The following VWA8 variants were observed in gnomAD, a reference collection of about 807,000 sequenced individuals.
The protein encoded by VWA8 is von Willebrand factor A domain-containing protein 8.
In VWA8, 221 loss-of-function variants were observed where a neutral mutation model predicts 241.5. That is an observed-to-expected ratio of 0.91 (90% CI 0.82 to 1.02). The LOEUF (loss-of-function observed/expected upper bound fraction) is 1.02. Among genes scored for constraint, VWA8 ranks in the 50% least tolerant of loss-of-function variants. The pLI is 0.00. For synonymous variants in VWA8, 852 were observed against 827.1 expected, an observed-to-expected ratio of 1.03 and a Z score of -0.52; for missense variants, 2,322 against 2,328.7, an observed-to-expected ratio of 1.00 and a Z score of 0.06.
Position 41,731,750 on chromosome 13 carries a change from A to G in VWA8, c.2502+330T>C, listed in dbSNP as rs576765608. Among the ~76,000 whole-genome samples, 6 of 152,226 alleles carry G rather than the reference A, an allele frequency of 3.9e-5. No homozygotes were observed. The East Asian group carries it at 1.2e-3, about 29-fold the overall frequency. ...CTGAATCATGGGGGCAGTTTCCCCC[A>G]TACTGTTCTTGTGGTAATGAATAAG... On this transcript the variant is annotated intron_variant, in intron 22 of 44. Transcript: ENST00000379310.
intron 37 of VWA8, among the ~76,000 whole-genome samples, chr13:41,664,672 C>T (rs1209051372): frequency 6.6e-6 from 1 of 152,022 alleles, no homozygotes; most frequent in Non-Finnish European, 1.5e-5. Flanking sequence ...TTCGACTAAT[C>T]TTCCAAATTT....
chr13:41,576,187 T>C (rs1182574764), intron 42 of VWA8, among the ~76,000 whole-genome samples: 1 of 152,254 alleles, frequency 6.6e-6, no homozygotes, highest in East Asian at 1.9e-4. Flanking sequence ...TTTCTTTTCA[T>C]GTATGTTCCT....
intron 21 of VWA8, among the ~76,000 whole-genome samples, chr13:41,758,596 C>T (rs1348602831): frequency 6.7e-6 from 1 of 148,338 alleles, no homozygotes; most frequent in Non-Finnish European, 1.5e-5. Flanking sequence ...AGTTCTAATG[C>T]TTTTTTTATA....
chr13:41,896,999 C>T (rs1245986127), intron 4 of VWA8, among the ~76,000 whole-genome samples: 1 of 152,026 alleles, frequency 6.6e-6, no homozygotes, highest in Non-Finnish European at 1.5e-5. Flanking sequence ...ACCGTAAATG[C>T]CAATCTGTGA....
intron 21 of VWA8, among the ~76,000 whole-genome samples, chr13:41,748,783 T>C (rs909780440): frequency 4.6e-5 from 7 of 152,180 alleles, no homozygotes; most frequent in African/African-American, 1.7e-4. Flanking sequence ...TAATAAATCG[T>C]GCTGGGAAAA....
chr13:41,753,903 T>G (rs1348601768), intron 21 of VWA8, among the ~76,000 whole-genome samples: 1 of 152,214 alleles, frequency 6.6e-6, no homozygotes, highest in Admixed American at 6.5e-5. Context: ...ACATTCTTTA[T>G]AGACTGCCTT....
At position 41,883,616 on chromosome 13, in the gene VWA8, G is replaced by C. The variant is rs569962377; in HGVS notation, c.976-125C>G. On this transcript the variant is annotated intron_variant, in intron 8 of 44. Coordinates refer to ENST00000379310, the MANE Select transcript of VWA8 (RefSeq NM_015058.2). ...AACCAATAGGTGTCTGGTATTTTCT[G>C]TAAGTCTACAAAAGCAAATATTCAT... 1.2e-5 allele frequency: 8 copies of C among 654,664 alleles called. No individual in the cohort carries two copies. The South Asian group carries it at 1.3e-4, about 11-fold the overall frequency. The allele number at this position is 654,664 out of a possible 1,614,324, so 40.6% of individuals were successfully genotyped here. A position where few individuals can be genotyped will look rare whatever the true frequency, so the allele number is the denominator to read the frequency against.
rs183825338 is a variant in VWA8 at position 41,699,615 on chromosome 13, G to A, written c.3365-345C>T. On this transcript the variant is annotated intron_variant, in intron 28 of 44. Coordinates refer to ENST00000379310, the MANE Select transcript of VWA8 (RefSeq NM_015058.2). ...GTAACGTGCTTAGTGCTACAGTGAA[G>A]GTCTGTTCTCTTGTTGGTTCAGATG... 1.5e-3 allele frequency among the ~76,000 whole-genome samples: 232 copies of A among 152,232 alleles called. 2 individuals carry two copies. The highest frequency in any genetic ancestry group is 5.5e-3 in the African/African-American group (228 of 41,544).
chr13:41,582,353 A>C (rs1386571102), intron 42 of VWA8, among the ~76,000 whole-genome samples: 1 of 152,206 alleles, frequency 6.6e-6, no homozygotes, highest in Non-Finnish European at 1.5e-5. Flanking sequence ...CAAGCCAAGC[A>C]AAACACAAAG....
chr13:41,687,998 A>AT (rs941701633), intron 34 of VWA8, among the ~76,000 whole-genome samples: 199 of 152,266 alleles, frequency 1.3e-3, no homozygotes, highest in African/African-American at 4.5e-3. Context: ...TAGAAGATCA[A>AT]TTTTTAAAAT....
rs1033118272 is a variant in VWA8, at chr13:41,567,554, C to T, written c.*643G>A. 1.3e-5 allele frequency: 2 copies of T among 152,140 alleles called. No homozygotes were observed. Among genetic ancestry groups the T allele is most frequent in the Non-Finnish European group, 2.9e-5 (2 of 68,040 alleles). The allele number at this position is 152,140 out of a possible 1,614,324, so 9.4% of individuals were successfully genotyped here. A position where few individuals can be genotyped will look rare whatever the true frequency, so the allele number is the denominator to read the frequency against. On this transcript the variant is annotated 3_prime_UTR_variant, in exon 45 of 45. Coordinates refer to ENST00000379310, the MANE Select transcript of VWA8 (RefSeq NM_015058.2). ...CTCTTTAAGAGCCTTTTAAAAGTCA[C>T]GTGGAAAGGCAAGCACTCCAAGGAT...
intron 43 of VWA8, among the ~76,000 whole-genome samples, chr13:41,572,525 G>A (rs558709334): frequency 1.3e-5 from 2 of 152,230 alleles, no homozygotes; most frequent in East Asian, 1.9e-4. Flanking sequence ...AACATGTGCT[G>A]TGTCCACCCA....
At chr13:41,728,139 A>G (rs1216252320) in intron 23 of VWA8, among the ~76,000 whole-genome samples, 2 of 148,092 alleles carry the variant, frequency 1.4e-5, no homozygotes, top group Non-Finnish European at 3.0e-5. Context: ...ATGAGTTTGG[A>G]AGAGCCTACT....
Position 41,924,470 on chromosome 13 carries a change from G to C in VWA8, c.242-12302C>G, listed in dbSNP as rs1876732778. ...GAAGGGAGGAAGGAAGAAAGGAAAA[G>C]AAAAAAGAAAGAAAAAGAAAACAGA... On this transcript the variant is annotated intron_variant, in intron 2 of 44. Transcript: ENST00000379310. 2.6e-5 allele frequency among the ~76,000 whole-genome samples: 4 copies of C among 151,020 alleles called. No individual in the cohort carries two copies. In the South Asian group the frequency reaches 8.4e-4, roughly 32 times the overall value.
At chr13:41,640,593 C>T (rs1259569723) in intron 37 of VWA8, among the ~76,000 whole-genome samples, 2 of 152,172 alleles carry the variant, frequency 1.3e-5, no homozygotes, top group Admixed American at 1.3e-4. Flanking sequence ...AAATCATGTA[C>T]TTGCTAGTTA....
chr13:41,833,406 G>C lies in VWA8; in HGVS notation c.1551C>G (p.His517Gln). 2 of 1,613,578 alleles carry C rather than the reference G, an allele frequency of 1.2e-6. No homozygotes were observed. The highest frequency in any genetic ancestry group is 1.7e-6 in the Non-Finnish European group (2 of 1,179,820). The change falls in exon 13 of 45, where the codon CAC becomes CAG. Residue 517 changes from histidine (H) to glutamine (Q), a missense_variant. By Grantham distance (24) the His-to-Gln change is conservative. Transcript: ENST00000379310. ...EGKLVLLDGI[H>Q]RVNAGTLAVL... ...CAGCAAGCGTGCCCGCATTCACCCGGTGAATGCCATCCAGCAGGACCAGCT... is the reference window on the plus strand; with the variant it reads ...CAGCAAGCGTGCCCGCATTCACCCGCTGAATGCCATCCAGCAGGACCAGCT...
At chr13:41,635,628 C>T (rs73464996) in intron 37 of VWA8, among the ~76,000 whole-genome samples, 5,028 of 152,180 alleles carry the variant, frequency 0.033, 283 homozygotes, top group African/African-American at 0.11. Context: ...ATGGAGTTTT[C>T]AGCCAGAACT....
At chr13:41,616,098 G>T (rs531719303) in intron 37 of VWA8, among the ~76,000 whole-genome samples, 2 of 152,310 alleles carry the variant, frequency 1.3e-5, no homozygotes, top group Non-Finnish European at 2.9e-5. Flanking sequence ...AAATAAATGG[G>T]CCTGAAGTCA....
chr13:41,907,544 C>A (rs948173433), intron 4 of VWA8, 42 bp downstream of exon 4: 2 of 1,550,250 alleles, frequency 1.3e-6, no homozygotes, highest in Non-Finnish European at 1.8e-6. Flanking sequence ...CTTGTATAGA[C>A]CTGGAGTACA....
Sources: gnomAD v4.1 joint callset for allele counts (sites outside exome capture counted in the v4.1 genomes callset) on GRCh38, gnomAD v4.1.1 for gene constraint, MANE v1.5 for transcripts, NCBI Gene and HGNC (gene_info 2026-07-23, HGNC 2026-07-21) for gene names.